The following PLCE1 variants were observed in gnomAD, a reference collection of about 807,000 sequenced individuals.
PLCE1 encodes phospholipase C epsilon 1.
PLCE1 carries 119 observed loss-of-function variants against 242.8 expected under a neutral mutation model. The ratio of observed to expected loss-of-function variants is 0.49; its 90% CI spans 0.42 to 0.57. The LOEUF is 0.57. Among genes scored for constraint, PLCE1 ranks in the 20% least tolerant of loss-of-function variants. The pLI is 0.00. For missense variants in PLCE1, 2,441 were observed against 2,788.8 expected, an observed-to-expected ratio of 0.88 and a Z score of 2.81; for synonymous variants, 945 against 1,017.4, an observed-to-expected ratio of 0.93 and a Z score of 1.35.
intron 2 of PLCE1, among the ~76,000 whole-genome samples, chr10:94,114,083 G>A (rs571003858): frequency 6.6e-6 from 1 of 152,262 alleles, no homozygotes; most frequent in South Asian, 2.1e-4. Context: ...CAATGACCTA[G>A]GGAAATTGAA....
At chr10:93,997,033 T>G (rs918551039) in intron 1 of PLCE1, among the ~76,000 whole-genome samples, 1 of 152,220 alleles carries the variant, frequency 6.6e-6, no homozygotes, top group Non-Finnish European at 1.5e-5. Flanking sequence ...TAATAGAAGT[T>G]GTTGTTGGTA....
At chr10:94,177,208 G>A (rs1487054159) in intron 4 of PLCE1, among the ~76,000 whole-genome samples, 1 of 152,196 alleles carries the variant, frequency 6.6e-6, no homozygotes, top group Non-Finnish European at 1.5e-5. Flanking sequence ...GCAACTCAAA[G>A]TACGACCATG....
At chr10:94,160,567 G>A (rs2047578253) in intron 3 of PLCE1, among the ~76,000 whole-genome samples, 1 of 152,140 alleles carries the variant, frequency 6.6e-6, no homozygotes, top group African/African-American at 2.4e-5. Flanking sequence ...CATTCTGCAG[G>A]TTGCCTGTTC....
At chr10:94,058,885 A>G (rs1233117129) in intron 2 of PLCE1, among the ~76,000 whole-genome samples, 2 of 152,194 alleles carry the variant, frequency 1.3e-5, no homozygotes, top group Non-Finnish European at 2.9e-5. Context: ...CAAAACCAAA[A>G]AATAAAAATC....
At chr10:94,285,096 C>G in intron 22 of PLCE1, 131 bp downstream of exon 22, 1 of 641,084 alleles carries the variant, frequency 1.6e-6, no homozygotes, top group Non-Finnish European at 2.8e-6. Context: ...GTTATAATAC[C>G]TCCTAAATAT....
At chr10:94,157,010 T>TG (rs892682741) in intron 3 of PLCE1, among the ~76,000 whole-genome samples, 2 of 152,078 alleles carry the variant, frequency 1.3e-5, no homozygotes, top group Non-Finnish European at 2.9e-5. Context: ...TGGTGTTTTT[T>TG]GGGGGGCGAG....
chr10:94,111,732 T>C (rs2045962096), intron 2 of PLCE1, among the ~76,000 whole-genome samples: 1 of 152,232 alleles, frequency 6.6e-6, no homozygotes, highest in Non-Finnish European at 1.5e-5. Flanking sequence ...TCAAAGAATG[T>C]ACACTTTTTG....
rs61886330 is a variant in PLCE1 at position 94,227,423 on chromosome 10, G to T, written c.1927G>T (p.Ala643Ser). The change falls in exon 5 of 33, where the codon GCT becomes TCT. Residue 643 changes from alanine (A) to serine (S), a missense_variant. Coordinates refer to ENST00000371380, the MANE Select transcript of PLCE1 (RefSeq NM_016341.4). The stretch of plus-strand genomic sequence containing the variant: ...CTGCTGGAACATGGGCAACTACAAC[G>T]CTGTCATGGAGTTCTTGGCTGGCCT... ...KCCWNMGNYN[A>S]VMEFLAGLRS... 2,591 of 1,614,056 alleles carry T rather than the reference G, an allele frequency of 1.6e-3. 5 individuals carry two copies. Among genetic ancestry groups the T allele is most frequent in the Non-Finnish European group, 1.8e-3 (2,179 of 1,179,912 alleles).
chr10:94,025,445 A>C (rs1189343918), intron 1 of PLCE1, among the ~76,000 whole-genome samples: 1 of 152,216 alleles, frequency 6.6e-6, no homozygotes, highest in African/African-American at 2.4e-5. Flanking sequence ...TGCTTAGAAC[A>C]TGCCTGATAG....
intron 4 of PLCE1, among the ~76,000 whole-genome samples, chr10:94,196,646 A>G (rs992419225): frequency 1.3e-5 from 2 of 152,042 alleles, no homozygotes; most frequent in Non-Finnish European, 2.9e-5. Context: ...ATTTAAAAAT[A>G]AAAAAAGACT....
intron 4 of PLCE1, among the ~76,000 whole-genome samples, chr10:94,204,336 C>T (rs1371583720): frequency 6.6e-6 from 1 of 152,116 alleles, no homozygotes. Context: ...TCATCAGAAA[C>T]TCCAAGCTAC....
At chr10:94,326,868 T>A (rs1344007440) in intron 32 of PLCE1, among the ~76,000 whole-genome samples, 1 of 152,194 alleles carries the variant, frequency 6.6e-6, no homozygotes, top group Non-Finnish European at 1.5e-5. Flanking sequence ...TGCTTAAAGC[T>A]GGGGAGGCCT....
At chr10:94,022,410 TG>T (rs1278075252) in intron 1 of PLCE1, among the ~76,000 whole-genome samples, 1 of 151,968 alleles carries the variant, frequency 6.6e-6, no homozygotes, top group Non-Finnish European at 1.5e-5. Context: ...TACATATGTA[TG>T]TGTGTGTGTA....
intron 2 of PLCE1, among the ~76,000 whole-genome samples, chr10:94,082,671 T>C (rs1034184342): frequency 9.2e-5 from 14 of 152,236 alleles, no homozygotes; most frequent in African/African-American, 3.1e-4. Context: ...ATGTTATTTG[T>C]AATTTCTGTC....
At chr10:94,155,764 T>C (rs2047412852) in intron 3 of PLCE1, 2 of 151,856 alleles carry the variant, frequency 1.3e-5, no homozygotes. Flanking sequence ...TATTTTAAAC[T>C]GTACACTTTA....
chr10:94,106,358 A>G (rs903475657), intron 2 of PLCE1, among the ~76,000 whole-genome samples: 8 of 152,338 alleles, frequency 5.3e-5, no homozygotes, highest in Non-Finnish European at 1.0e-4. Flanking sequence ...CATATCTCTT[A>G]CATATATCAC....
chr10:94,197,720 C>T (rs571843519), intron 4 of PLCE1, among the ~76,000 whole-genome samples: 28 of 152,254 alleles, frequency 1.8e-4, no homozygotes, highest in African/African-American at 6.7e-4. Flanking sequence ...CAGTGGCTCA[C>T]GCCTGTAATC....
At chr10:94,071,506 T>TTTTTTTTGTTTTTTTTTTTTG (rs1554848903) in intron 2 of PLCE1, among the ~76,000 whole-genome samples, 8 of 137,026 alleles carry the variant, frequency 5.8e-5, no homozygotes, top group African/African-American at 2.3e-4. Context: ...TTTTTTTTTT[T>TTTTTTTTGTTTTTTTTTTTTG]TTTTTTTTTT....
At chr10:94,111,165 G>A (rs1030599836) in intron 2 of PLCE1, among the ~76,000 whole-genome samples, 1 of 152,130 alleles carries the variant, frequency 6.6e-6, no homozygotes, top group African/African-American at 2.4e-5. Context: ...CTAGAAATTC[G>A]TTCACTCACT....
Sources: gnomAD v4.1 joint callset for allele counts (sites outside exome capture counted in the v4.1 genomes callset) on GRCh38, gnomAD v4.1.1 for gene constraint, MANE v1.5 for transcripts, NCBI Gene and HGNC (gene_info 2026-07-23, HGNC 2026-07-21) for gene names.